GRID2: variants seen among roughly 807,000 people sequenced by gnomAD.
GRID2 encodes the protein glutamate receptor ionotropic, delta-2.
A neutral mutation model predicts 114.8 loss-of-function variants in GRID2; 33 were observed. That is an observed-to-expected ratio of 0.29 (90% CI 0.22 to 0.38). The LOEUF is 0.38. Among genes scored for constraint, GRID2 ranks in the 10% least tolerant of loss-of-function variants. The pLI is 1.00. For synonymous variants in GRID2, 505 were observed against 449.9 expected (o/e 1.12, Z -1.55); for missense variants, 1,184 against 1,257.7 (o/e 0.94, Z 0.89).
chr4:93,027,620 T>G (rs1009951599), intron 2 of GRID2, among the ~76,000 whole-genome samples: 9 of 152,260 alleles, frequency 5.9e-5, no homozygotes, highest in Middle Eastern at 3.4e-3. Flanking sequence ...AGAGGAAGAT[T>G]GAATAAGTGT....
rs1311406033 is a variant in GRID2 at position 92,517,568 on chromosome 4, T to C, written c.89-72563T>C. 3.3e-5 allele frequency among the ~76,000 whole-genome samples: 5 copies of C among 151,926 alleles called. No individual in the cohort carries two copies. The East Asian group carries it at 9.7e-4, about 30-fold the overall frequency. On this transcript the variant is annotated intron_variant, in intron 1 of 15. Transcript: ENST00000282020. ...ATTGGCCTCATATCTTCTGTTTCCT[T>C]TTAACGTATATGAACAAGGTCAGTC...
chr4:93,736,101 T>C (rs1268752142), intron 14 of GRID2, among the ~76,000 whole-genome samples: 1 of 152,058 alleles, frequency 6.6e-6, no homozygotes, highest in African/African-American at 2.4e-5. Context: ...ATTGTCTGTC[T>C]ACTGGAAAAT....
intron 1 of GRID2, among the ~76,000 whole-genome samples, chr4:92,514,630 T>G (rs537199117): frequency 9.2e-5 from 14 of 152,052 alleles, no homozygotes; most frequent in Non-Finnish European, 1.9e-4. Flanking sequence ...TATAAAATCT[T>G]AGATCTTTCT....
intron 11 of GRID2, among the ~76,000 whole-genome samples, chr4:93,476,723 G>A (rs1423996869): frequency 2.0e-5 from 3 of 152,090 alleles, no homozygotes; most frequent in Non-Finnish European, 4.4e-5. Context: ...ATGCTACGTA[G>A]TAGAAACAAT....
At chr4:92,374,456 T>G (rs1729262986) in intron 1 of GRID2, among the ~76,000 whole-genome samples, 1 of 152,050 alleles carries the variant, frequency 6.6e-6, no homozygotes, top group Non-Finnish European at 1.5e-5. Context: ...TTTATTGAAG[T>G]CTCATGTCTC....
chr4:92,462,194 C>G (rs1383818760), intron 1 of GRID2, among the ~76,000 whole-genome samples: 1 of 152,054 alleles, frequency 6.6e-6, no homozygotes, highest in Non-Finnish European at 1.5e-5. Flanking sequence ...ACAATTACAA[C>G]TTACTATTCT....
At chr4:93,765,666 T>C (rs1733608118) in intron 14 of GRID2, among the ~76,000 whole-genome samples, 1 of 148,624 alleles carries the variant, frequency 6.7e-6, no homozygotes, top group Non-Finnish European at 1.5e-5. Context: ...TAATGATTTC[T>C]AAAGTCAAAA....
intron 2 of GRID2, among the ~76,000 whole-genome samples, chr4:93,056,112 G>T (rs1727211017): frequency 6.6e-6 from 1 of 151,916 alleles, no homozygotes; most frequent in South Asian, 2.1e-4. Context: ...ACCTGCAGGG[G>T]TGTAGAATTG....
intron 8 of GRID2, among the ~76,000 whole-genome samples, chr4:93,250,926 C>T (rs1432212206): frequency 6.6e-6 from 1 of 151,464 alleles, no homozygotes; most frequent in African/African-American, 2.4e-5. Context: ...TGTTATAGTC[C>T]TGGTTTTTGA....
At chr4:92,656,220 T>C (rs1226612867) in intron 2 of GRID2, among the ~76,000 whole-genome samples, 2 of 151,828 alleles carry the variant, frequency 1.3e-5, no homozygotes, top group African/African-American at 4.8e-5. Context: ...TTTTTTATTT[T>C]TTGATAATGG....
At chr4:92,713,470 CATATACATAT>C (rs1295547354) in intron 2 of GRID2, among the ~76,000 whole-genome samples, 3,190 of 74,078 alleles carry the variant, frequency 0.043, 37 homozygotes, top group East Asian at 0.079. Context: ...TTTACATATA[CATATACATAT>C]ATATATATAT....
At chr4:93,788,524 T>A (rs916101731) in intron 1 of GRID2, among the ~76,000 whole-genome samples, 11 of 152,098 alleles carry the variant, frequency 7.2e-5, no homozygotes, top group Admixed American at 3.3e-4. Context: ...TATATAAACA[T>A]GACATTGTAT....
chr4:93,330,650 G>T (rs1758326153), intron 8 of GRID2, among the ~76,000 whole-genome samples: 1 of 152,090 alleles, frequency 6.6e-6, no homozygotes, highest in Middle Eastern at 3.4e-3. Flanking sequence ...ACTCTCCCTG[G>T]ATCACTACTG....
intron 2 of GRID2, among the ~76,000 whole-genome samples, chr4:92,958,263 G>A (rs1293701364): frequency 2.6e-5 from 4 of 152,084 alleles, no homozygotes; most frequent in Admixed American, 6.6e-5. Context: ...AATCAAGCAT[G>A]ATGTTGGCCA....
chr4:93,052,693 A>T (rs759718356), intron 2 of GRID2, among the ~76,000 whole-genome samples: 1 of 151,964 alleles, frequency 6.6e-6, no homozygotes, highest in Non-Finnish European at 1.5e-5. Flanking sequence ...GGCAATATAC[A>T]ATGACAATTC....
intron 2 of GRID2, among the ~76,000 whole-genome samples, chr4:92,932,558 G>A (rs1750326421): frequency 6.6e-6 from 1 of 151,198 alleles, no homozygotes; most frequent in Admixed American, 6.6e-5. Flanking sequence ...CCCATTCCCA[G>A]ATATTTGCCC....
At chr4:93,038,978 G>A (rs968907848) in intron 2 of GRID2, among the ~76,000 whole-genome samples, 5 of 151,986 alleles carry the variant, frequency 3.3e-5, no homozygotes, top group African/African-American at 7.2e-5. Context: ...GTATATACCC[G>A]AAGGATTATA....
chr4:93,700,154 G>A (rs1466985562), intron 14 of GRID2, among the ~76,000 whole-genome samples: 1 of 152,008 alleles, frequency 6.6e-6, no homozygotes, highest in Non-Finnish European at 1.5e-5. Flanking sequence ...TTTACATTGG[G>A]ATACTTTCAA....
chr4:92,630,277 T>C (rs749135640), intron 2 of GRID2, among the ~76,000 whole-genome samples: 23 of 152,270 alleles, frequency 1.5e-4, no homozygotes, highest in Non-Finnish European at 3.1e-4. Context: ...TCCATCCTTG[T>C]ACTTCATCAC....
Sources: gnomAD v4.1 joint callset for allele counts (sites outside exome capture counted in the v4.1 genomes callset) on GRCh38, gnomAD v4.1.1 for gene constraint, MANE v1.5 for transcripts, NCBI Gene and HGNC (gene_info 2026-07-23, HGNC 2026-07-21) for gene names.